The following UBAC1 variants were observed in gnomAD, a reference collection of about 807,000 sequenced individuals.
UBAC1 encodes UBA domain containing 1.
A neutral mutation model predicts 45.9 loss-of-function variants in UBAC1; 27 were observed. That is an observed-to-expected ratio of 0.59 (90% CI 0.43 to 0.81). The LOEUF (loss-of-function observed/expected upper bound fraction) is 0.81, where lower values mean the gene tolerates loss of function less well. Among genes scored for constraint, UBAC1 ranks in the 30% least tolerant of loss-of-function variants. UBAC1 has a pLI of 0.00. For synonymous variants in UBAC1, 227 were observed against 215.5 expected, an observed-to-expected ratio of 1.05 and a Z score of -0.47; for missense variants, 529 against 539.2, an observed-to-expected ratio of 0.98 and a Z score of 0.19.
Position 135,955,375 on chromosome 9 carries a change from T to G in UBAC1, c.179A>C (p.His60Pro), listed in dbSNP as rs772046835. 6.2e-7 allele frequency: 1 copy of G among 1,604,718 alleles called. No individual in the cohort carries two copies. The highest frequency in any genetic ancestry group is 1.1e-5 in the South Asian group (1 of 89,166). Residue 60 changes from histidine (H) to proline (P), a missense_variant, in exon 2 of 10, where the codon CAT becomes CCT. Coordinates refer to ENST00000371756, the MANE Select transcript of UBAC1 (RefSeq NM_016172.3). ...GSLEDPKSIT[H>P]HKLIHAASER... ...TGAGGCAGCGTGGATTAATTTATGA[T>G]GGGTTATACTTTTGGGATCTTCTAA...
rs146278201 is a variant in UBAC1 at position 135,946,693 on chromosome 9, G to C, written c.442-322C>G. Among the ~76,000 whole-genome samples, 535 of 152,360 alleles carry C rather than the reference G, an allele frequency of 3.5e-3. 3 individuals carry two copies. The highest frequency in any genetic ancestry group is 0.012 in the African/African-American group (513 of 41,574). On this transcript the variant is annotated intron_variant, in intron 4 of 9. Coordinates refer to ENST00000371756, the MANE Select transcript of UBAC1 (RefSeq NM_016172.3). Reference sequence around the variant, plus strand: ...GCAGGGCAAGCTGAAGACCCTCTCTGGCTTCACTGAAGAAAACAGAATCAT... The same window carrying C: ...GCAGGGCAAGCTGAAGACCCTCTCTCGCTTCACTGAAGAAAACAGAATCAT...
At chr9:135,958,668 C>T (rs1451191525) in intron 1 of UBAC1, among the ~76,000 whole-genome samples, 1 of 152,180 alleles carries the variant, frequency 6.6e-6, no homozygotes, top group Non-Finnish European at 1.5e-5. Flanking sequence ...GACACCAGAC[C>T]TCACTGCCTA....
rs766768799 is a variant in UBAC1, at chr9:135,938,352, C to G, written c.972G>C (p.Trp324Cys). The change falls in exon 9 of 10, where the codon TGG becomes TGC. Residue 324 changes from tryptophan to cysteine, a missense_variant. Transcript: ENST00000371756. Reference sequence around the variant, plus strand: ...GAGAGGGCTTCCGGTCCCCCAGCAGCCACTCGCACTGCAAAGCCAAGAGCA... The same window carrying G: ...GAGAGGGCTTCCGGTCCCCCAGCAGGCACTCGCACTGCAAAGCCAAGAGCA... The part of the protein sequence containing the change: ...NNNQQNAACE[W>C]LLGDRKPSPE... 1.2e-6 allele frequency: 2 copies of G among 1,613,214 alleles called. No homozygotes were observed. The highest frequency in any genetic ancestry group is 3.3e-5 in the Admixed American group (2 of 59,930).
At chr9:135,947,960 CGAT>C in intron 3 of UBAC1, 55 bp from the exon 4 acceptor site, 2 of 1,513,930 alleles carry the variant, frequency 1.3e-6, no homozygotes, top group Non-Finnish European at 1.8e-6. Flanking sequence ...AGCAAAAAGA[CGAT>C]GACAACTGAA....
intron 9 of UBAC1, among the ~76,000 whole-genome samples, chr9:135,934,478 G>C (rs2131078394): frequency 6.6e-6 from 1 of 152,252 alleles, no homozygotes; most frequent in East Asian, 1.9e-4. Flanking sequence ...GGCTAATACG[G>C]TAAAACCCTG....
In UBAC1 at chr9:135,961,034, G is replaced by A; in HGVS notation, c.129C>T (p.Cys43=). The part of the protein sequence containing the change: ...DTSVEKLKER[C]LKHCAHGSLE... Reference sequence around the variant, plus strand: ...GGGGGCCCGGCCTTACGTGCTTGAGGCAGCGCTCCTTGAGCTTCTCCACCG... The same window carrying A: ...GGGGGCCCGGCCTTACGTGCTTGAGACAGCGCTCCTTGAGCTTCTCCACCG... The change falls in exon 1 of 10, where the codon TGC becomes TGT. Residue 43 remains cysteine, a synonymous_variant. Transcript: ENST00000371756. 1 of 1,566,340 alleles carries A rather than the reference G, an allele frequency of 6.4e-7. No homozygotes were observed. The highest frequency in any genetic ancestry group is 8.6e-7 in the Non-Finnish European group (1 of 1,161,940).
At chr9:135,934,889 AT>A (rs1445456255) in intron 9 of UBAC1, among the ~76,000 whole-genome samples, 2 of 151,526 alleles carry the variant, frequency 1.3e-5, no homozygotes, top group South Asian at 2.1e-4. Flanking sequence ...TTTGAATTTA[AT>A]TTTTTTTTGA....
intron 3 of UBAC1, among the ~76,000 whole-genome samples, chr9:135,950,911 G>A (rs1191841799): frequency 3.3e-5 from 5 of 152,022 alleles, no homozygotes; most frequent in Non-Finnish European, 4.4e-5. Context: ...TGGGCAACAC[G>A]GTGAGACCCC....
chr9:135,935,070 C>T (rs1413733613), intron 9 of UBAC1, among the ~76,000 whole-genome samples: 1 of 151,828 alleles, frequency 6.6e-6, no homozygotes. Context: ...TGTTTGTTTG[C>T]TTTTTTAGTA....
chr9:135,947,199 C>T (rs946630030), intron 4 of UBAC1, among the ~76,000 whole-genome samples: 1 of 152,192 alleles, frequency 6.6e-6, no homozygotes, highest in East Asian at 1.9e-4. Context: ...AAACACTTTT[C>T]TTTTTTAACT....
intron 7 of UBAC1, among the ~76,000 whole-genome samples, chr9:135,943,016 T>G (rs1839287720): frequency 6.6e-6 from 1 of 152,148 alleles, no homozygotes; most frequent in Non-Finnish European, 1.5e-5. Context: ...TTGCAATCTA[T>G]TCACCTGACA....
chr9:135,959,077 A>C (rs1839501317), intron 1 of UBAC1, among the ~76,000 whole-genome samples: 1 of 152,212 alleles, frequency 6.6e-6, no homozygotes, highest in South Asian at 2.1e-4. Flanking sequence ...GTATCTGTGG[A>C]TCAAACAGCT....
chr9:135,961,334 G>C lies in UBAC1; in HGVS notation c.-172C>G, dbSNP rs1478893370. 8.2e-6 allele frequency: 3 copies of C among 368,058 alleles called. No individual in the cohort carries two copies. The highest frequency in any genetic ancestry group is 1.1e-5 in the Non-Finnish European group (3 of 265,176). The allele number at this position is 368,058 out of a possible 1,614,324, so 22.8% of individuals were successfully genotyped here. A position where few individuals can be genotyped will look rare whatever the true frequency, so the allele number is the denominator to read the frequency against. On this transcript the variant is annotated 5_prime_UTR_variant, in exon 1 of 10. Transcript: ENST00000371756. ...GTCACTCTCCGCGGCCTCAGCGGTC[G>C]CCTCGCTCCCGCCGCCGCAGCAGCC...
rs1355502730 is a variant in UBAC1, at chr9:135,945,040, C to A, written c.864G>T (p.Arg288=). 1 of 1,613,626 alleles carries A rather than the reference C, an allele frequency of 6.2e-7. No homozygotes were observed. The highest frequency in any genetic ancestry group is 1.3e-5 in the African/African-American group (1 of 74,928). Residue 288 remains arginine, a synonymous_variant, in exon 7 of 10, where the codon CGG becomes CGT. Transcript: ENST00000371756. ...FKKIRRKREF[R]ADARAVISLM... ...TAGTAACACATACCCGAGCATCAGC[C>A]CGAAACTCCCTTTTCCTCCGGATCT...
chr9:135,955,159 T>C (rs1297937707), intron 2 of UBAC1, 136 bp downstream of exon 2: 1 of 917,616 alleles, frequency 1.1e-6, no homozygotes, highest in African/African-American at 1.7e-5. Context: ...ACAGAATGCT[T>C]TTAGTCGATC....
intron 1 of UBAC1, among the ~76,000 whole-genome samples, chr9:135,959,538 C>A (rs933412998): frequency 6.6e-6 from 1 of 152,160 alleles, no homozygotes; most frequent in African/African-American, 2.4e-5. Context: ...CCACGCCCCG[C>A]TAATTTTTTG....
Position 135,933,155 on chromosome 9 carries a change from C to A in UBAC1, c.*245G>T, listed in dbSNP as rs1839164446. On this transcript the variant is annotated 3_prime_UTR_variant, in exon 10 of 10. Transcript: ENST00000371756. ...AGGAGCACTGGAGACGAGGCCATCA[C>A]TCCACTTCCCAGTGCGACAACCACT... 2 of 489,420 alleles carry A rather than the reference C, an allele frequency of 4.1e-6. No homozygotes were observed. Among genetic ancestry groups the A allele is most frequent in the African/African-American group, 1.9e-5 (1 of 51,420 alleles). 30.3% of individuals were successfully genotyped at this position (489,420 alleles called of 1,614,324 possible).
intron 6 of UBAC1, chr9:135,945,521 C>T (rs892844934): frequency 1.8e-5 from 9 of 511,800 alleles, no homozygotes; most frequent in Non-Finnish European, 2.7e-5. Context: ...AGATAGGGAC[C>T]ACAGGGGGAA....
chr9:135,948,556 T>C (rs1331862198), intron 3 of UBAC1, among the ~76,000 whole-genome samples: 1 of 152,186 alleles, frequency 6.6e-6, no homozygotes, highest in Non-Finnish European at 1.5e-5. Context: ...TCCCCTGCCA[T>C]CCAGTCCTGC....
Sources: gnomAD v4.1 joint callset for allele counts (sites outside exome capture counted in the v4.1 genomes callset) on GRCh38, gnomAD v4.1.1 for gene constraint, MANE v1.5 for transcripts, NCBI Gene and HGNC (gene_info 2026-07-23, HGNC 2026-07-21) for gene names.